The following NLRP9 variants were observed in gnomAD, a reference collection of about 807,000 sequenced individuals.
The protein encoded by NLRP9 is NACHT, LRR and PYD domains-containing protein 9.
Under a neutral mutation model 83.1 loss-of-function variants are expected in NLRP9, and 88 were observed. The observed-to-expected ratio is 1.06, with a 90% CI of 0.89 to 1.26. The LOEUF (loss-of-function observed/expected upper bound fraction) is 1.26, where lower values mean the gene tolerates loss of function less well. Ranked by LOEUF, NLRP9 falls within the 50% of genes most tolerant of loss-of-function variation. The pLI is 0.00. For missense variants in NLRP9, 1,308 were observed against 1,179.3 expected, an observed-to-expected ratio of 1.11 and a Z score of -1.60; for synonymous variants, 521 against 447.6, an observed-to-expected ratio of 1.16 and a Z score of -2.07.
chr19:55,728,361 G>A (rs1488876219), intron 3 of NLRP9, among the ~76,000 whole-genome samples: 8 of 152,098 alleles, frequency 5.3e-5, no homozygotes, highest in Non-Finnish European at 1.0e-4. Context: ...CGCATCACAA[G>A]GCCAGGAGTT....
intron 5 of NLRP9, 42 bp downstream of exon 5, chr19:55,716,686 G>A (rs750261180): frequency 1.9e-5 from 30 of 1,559,040 alleles, no homozygotes; most frequent in Admixed American, 1.8e-4. Flanking sequence ...CCAGGTGCAC[G>A]CTTCAGAAAT....
intron 8 of NLRP9, among the ~76,000 whole-genome samples, chr19:55,710,514 G>A (rs1446122840): frequency 6.6e-6 from 1 of 152,126 alleles, no homozygotes; most frequent in Non-Finnish European, 1.5e-5. Context: ...CTGGTGGGAG[G>A]TGACTGGATC....
intron 3 of NLRP9, among the ~76,000 whole-genome samples, chr19:55,727,122 GGCA>G (rs2122318006): frequency 6.6e-6 from 1 of 152,210 alleles, no homozygotes; most frequent in South Asian, 2.1e-4. Flanking sequence ...TGTGGTGGGG[GGCA>G]CCTGTAATCT....
At chr19:55,725,173 G>A (rs1052279948) in intron 3 of NLRP9, among the ~76,000 whole-genome samples, 5 of 152,226 alleles carry the variant, frequency 3.3e-5, no homozygotes, top group East Asian at 1.9e-4. Flanking sequence ...AACCAAATAC[G>A]TAACTACAAA....
intron 4 of NLRP9, among the ~76,000 whole-genome samples, chr19:55,722,940 G>A (rs1988275076): frequency 6.6e-6 from 1 of 152,026 alleles, no homozygotes; most frequent in Non-Finnish European, 1.5e-5. Flanking sequence ...AAGTGGAGTT[G>A]ATCAGTGAGA....
intron 5 of NLRP9, among the ~76,000 whole-genome samples, chr19:55,715,479 G>A (rs905877490): frequency 3.9e-5 from 6 of 152,182 alleles, no homozygotes; most frequent in Admixed American, 1.3e-4. Context: ...GAGATAAGGA[G>A]TTTGAGACCA....
intron 1 of NLRP9, chr19:55,737,149 G>A (rs1305707769): frequency 6.6e-6 from 1 of 151,928 alleles, no homozygotes; most frequent in Non-Finnish European, 1.5e-5. Context: ...AGCAGAACTG[G>A]TTCGGAGTCA....
chr19:55,712,057 C>T (rs1987753713), intron 7 of NLRP9, 87 bp from the exon 8 acceptor site: 3 of 1,307,756 alleles, frequency 2.3e-6, no homozygotes, highest in Non-Finnish European at 3.2e-6. Flanking sequence ...TTACACACCT[C>T]CCGGCAGGAC....
intron 4 of NLRP9, among the ~76,000 whole-genome samples, chr19:55,720,820 A>G (rs188772825): frequency 1.3e-5 from 2 of 152,376 alleles, no homozygotes; most frequent in African/African-American, 4.8e-5. Flanking sequence ...TCAATCAATT[A>G]GAAAAAGACA....
chr19:55,734,019 T>G (rs1988700908), intron 1 of NLRP9, among the ~76,000 whole-genome samples: 1 of 143,160 alleles, frequency 7.0e-6, no homozygotes, highest in Non-Finnish European at 1.5e-5. Context: ...GCCTCCCGGG[T>G]TCACGCCATT....
chr19:55,713,002 T>A (rs1019054879), intron 6 of NLRP9, among the ~76,000 whole-genome samples: 1 of 140,816 alleles, frequency 7.1e-6, no homozygotes, highest in Non-Finnish European at 1.6e-5. Flanking sequence ...GAAGCAGCAA[T>A]GACTTCCCAG....
At chr19:55,711,098 C>CAA (rs1568590666) in intron 8 of NLRP9, among the ~76,000 whole-genome samples, 3 of 130,514 alleles carry the variant, frequency 2.3e-5, no homozygotes, top group African/African-American at 3.3e-5. Flanking sequence ...AAAAACAAAA[C>CAA]AAAACAAAAC....
chr19:55,716,014 T>C (rs1024630270), intron 5 of NLRP9, among the ~76,000 whole-genome samples: 1 of 152,218 alleles, frequency 6.6e-6, no homozygotes, highest in Non-Finnish European at 1.5e-5. Flanking sequence ...GTATGTTAGT[T>C]TCCTTGACGA....
chr19:55,717,892 G>C (rs1001887873), intron 4 of NLRP9, among the ~76,000 whole-genome samples: 2 of 152,222 alleles, frequency 1.3e-5, no homozygotes, highest in African/African-American at 4.8e-5. Context: ...CACAGGGACA[G>C]ATGCTCCTGC....
chr19:55,715,684 C>G (rs897155461), intron 5 of NLRP9, among the ~76,000 whole-genome samples: 1 of 151,210 alleles, frequency 6.6e-6, no homozygotes, highest in African/African-American at 2.4e-5. Context: ...AACTCCGTCT[C>G]AAAAAAAAGA....
At position 55,709,072 on chromosome 19, in the gene NLRP9, T is replaced by G. The variant is rs192664595; in HGVS notation, c.2844-28A>C. 5.4e-4 allele frequency: 838 copies of G among 1,548,906 alleles called. 5 individuals carry two copies. Among genetic ancestry groups the G allele is most frequent in the African/African-American group, 2.7e-4 (19 of 70,742 alleles). Reference sequence around the variant, plus strand: ...GGGAAAATAGAAATAAAGTTTTTTTTTTTGTTTTTCATTTTTACACAGTAT... The same window carrying G: ...GGGAAAATAGAAATAAAGTTTTTTTGTTTGTTTTTCATTTTTACACAGTAT... On this transcript the variant is annotated intron_variant, in intron 8 of 8. Transcript: ENST00000332836.
chr19:55,737,955 G>T, intron 1 of NLRP9, 140 bp downstream of exon 1: 1 of 820,222 alleles, frequency 1.2e-6, no homozygotes, highest in Non-Finnish European at 2.0e-6. Flanking sequence ...GCCCTGGCCT[G>T]CAACTCTTCC....
chr19:55,709,363 T>G (rs1017021291), intron 8 of NLRP9: 7 of 160,770 alleles, frequency 4.4e-5, no homozygotes, highest in African/African-American at 1.0e-4. Flanking sequence ...ATCTATTGCT[T>G]CTTATAATGT....
chr19:55,715,034 G>A, intron 6 of NLRP9, 21 bp downstream of exon 6: 1 of 1,583,948 alleles, frequency 6.3e-7, no homozygotes, highest in Non-Finnish European at 8.6e-7. Flanking sequence ...TGACATTGAA[G>A]CAAATCATGG....
Sources: allele counts gnomAD v4.1 joint callset (sites outside exome capture counted in the v4.1 genomes callset), GRCh38; gene constraint gnomAD v4.1.1; transcripts MANE v1.5; gene names NCBI Gene and HGNC (gene_info 2026-07-23, HGNC 2026-07-21).